CFAP61: variants seen among roughly 807,000 people sequenced by gnomAD.
CFAP61 encodes cilia- and flagella-associated protein 61.
A neutral mutation model predicts 135.6 loss-of-function variants in CFAP61; 107 were observed. The ratio of observed to expected loss-of-function variants is 0.79; its 90% confidence interval spans 0.67 to 0.93. The LOEUF is 0.93. Ranked by LOEUF, CFAP61 falls within the 40% of genes least tolerant of loss-of-function variation. The pLI is 0.00. For synonymous variants in CFAP61, 575 were observed against 578.5 expected, an observed-to-expected ratio of 0.99 and a Z score of 0.09; for missense variants, 1,507 against 1,556.2, an observed-to-expected ratio of 0.97 and a Z score of 0.53.
intron 25 of CFAP61, among the ~76,000 whole-genome samples, chr20:20,321,095 TTAAAA>T (rs1465604278): frequency 1.3e-5 from 2 of 152,148 alleles, no homozygotes; most frequent in African/African-American, 2.4e-5. Context: ...TATTGCATTG[TTAAAA>T]TAATGTAATC....
At chr20:20,156,907 G>A (rs992604118) in intron 9 of CFAP61, among the ~76,000 whole-genome samples, 1 of 152,158 alleles carries the variant, frequency 6.6e-6, no homozygotes, top group African/African-American at 2.4e-5. Context: ...CTTTAAATCA[G>A]TTCTTTGCAA....
At chr20:20,085,234 A>G (rs1445687051) in intron 6 of CFAP61, 5 of 985,400 alleles carry the variant, frequency 5.1e-6, no homozygotes, top group Non-Finnish European at 4.8e-6. Context: ...GGCAGCGCTC[A>G]TTGCCTCAGA....
chr20:20,159,916 G>A (rs2053254398), intron 10 of CFAP61, among the ~76,000 whole-genome samples: 1 of 152,236 alleles, frequency 6.6e-6, no homozygotes, highest in African/African-American at 2.4e-5. Flanking sequence ...AAGGGGCATA[G>A]CATCTTCCAC....
chr20:20,321,817 A>G (rs952615999), intron 25 of CFAP61, among the ~76,000 whole-genome samples: 2 of 152,084 alleles, frequency 1.3e-5, no homozygotes, highest in Non-Finnish European at 2.9e-5. Flanking sequence ...TCCCAGAAAG[A>G]GTGTAAGGTG....
intron 17 of CFAP61, among the ~76,000 whole-genome samples, chr20:20,211,081 C>T (rs561924884): frequency 6.6e-6 from 1 of 152,228 alleles, no homozygotes; most frequent in East Asian, 1.9e-4. Context: ...GATTAAAAGC[C>T]TTCCACAGTT....
intron 6 of CFAP61, among the ~76,000 whole-genome samples, chr20:20,082,733 T>TA (rs1358709670): frequency 1.3e-5 from 2 of 152,320 alleles, no homozygotes; most frequent in African/African-American, 4.8e-5. Flanking sequence ...TGTTGCTTTT[T>TA]AAAATAGATG....
intron 24 of CFAP61, among the ~76,000 whole-genome samples, chr20:20,296,349 T>TTCCTTCCTTCCCTTCCTTCCTTGCTTCCC (rs2055575279): frequency 8.3e-6 from 1 of 120,168 alleles, no homozygotes; most frequent in Non-Finnish European, 1.7e-5. Context: ...CCTTGCTTCC[T>TTCCTTCCTTCCCTTCCTTCCTTGCTTCCC]TCCTTCTTTC....
intron 21 of CFAP61, 55 bp downstream of exon 21, chr20:20,263,185 G>A: frequency 7.4e-7 from 1 of 1,343,690 alleles, no homozygotes; most frequent in Non-Finnish European, 1.0e-6. Context: ...TTTTTATAAT[G>A]AGTCTCATTC....
chr20:20,174,196 C>A (rs2054431957), intron 13 of CFAP61, among the ~76,000 whole-genome samples: 1 of 152,182 alleles, frequency 6.6e-6, no homozygotes. Context: ...TTTAACAAGT[C>A]ATGTGTTGTC....
In CFAP61 at chr20:20,205,061, TTAATA is replaced by T. The variant is rs562726331; in HGVS notation, c.1932+5166_1932+5170del. Among the ~76,000 whole-genome samples the T allele has an allele frequency of 8.6e-3, 1,315 of 152,136 alleles. 20 individuals are homozygous for T. The highest frequency in any genetic ancestry group is 0.03 in the African/African-American group (1,261 of 41,506). ...TCCAATTCTCTGAACATTGTCTAGT[TTAATA>T]TAATATGTTATATATTATATAAGTG... On this transcript the variant is annotated intron_variant, in intron 17 of 26. Transcript: ENST00000245957.
chr20:20,282,097 A>G (rs1255780423), intron 22 of CFAP61, among the ~76,000 whole-genome samples: 1 of 152,156 alleles, frequency 6.6e-6, no homozygotes, highest in Non-Finnish European at 1.5e-5. Context: ...GATCTGTAGT[A>G]ATAACCCCTC....
In CFAP61 at chr20:20,252,907, C is replaced by T. The variant is rs189347077; in HGVS notation, c.2328+1144C>T. Among the ~76,000 whole-genome samples the T allele has an allele frequency of 2.0e-5, 3 of 152,342 alleles. No homozygotes were observed. In the East Asian group the frequency reaches 5.8e-4, roughly 29 times the overall value. On this transcript the variant is annotated intron_variant, in intron 20 of 26. Coordinates refer to ENST00000245957, the MANE Select transcript of CFAP61 (RefSeq NM_015585.4). ...ACACATCCATGCCTAGGCTCCGCCC[C>T]CAGAGGTTGTTTTAATTATTCTAGG... is the stretch of plus-strand genomic sequence containing the variant.
At chr20:20,265,875 T>G (rs2052694979) in intron 21 of CFAP61, 2 of 191,836 alleles carry the variant, frequency 1.0e-5, no homozygotes, top group Non-Finnish European at 2.1e-5. Context: ...CAGGTCATAC[T>G]CAGACATAAC....
intron 13 of CFAP61, among the ~76,000 whole-genome samples, chr20:20,173,422 C>T (rs2054374870): frequency 6.6e-6 from 1 of 152,222 alleles, no homozygotes; most frequent in African/African-American, 2.4e-5. Context: ...CCCGCTGCTA[C>T]ACACCCTTGC....
intron 8 of CFAP61, among the ~76,000 whole-genome samples, chr20:20,117,061 A>G (rs938746950): frequency 6.6e-6 from 1 of 152,224 alleles, no homozygotes; most frequent in East Asian, 1.9e-4. Context: ...TTCGTCAAAA[A>G]TAAATTGGCT....
intron 22 of CFAP61, among the ~76,000 whole-genome samples, chr20:20,285,655 C>T (rs541722764): frequency 1.1e-4 from 17 of 152,248 alleles, no homozygotes; most frequent in African/African-American, 2.4e-4. Flanking sequence ...CAGTGGCTCA[C>T]GCCTATAAAC....
chr20:20,233,707 T>C (rs774446016), intron 18 of CFAP61, among the ~76,000 whole-genome samples: 4 of 152,224 alleles, frequency 2.6e-5, no homozygotes, highest in Non-Finnish European at 5.9e-5. Context: ...GGTTTCCTAT[T>C]CGACTCCAAT....
At chr20:20,346,196 C>T (rs1021514026) in intron 26 of CFAP61, among the ~76,000 whole-genome samples, 10 of 147,266 alleles carry the variant, frequency 6.8e-5, no homozygotes, top group Non-Finnish European at 1.2e-4. Flanking sequence ...CCACCGCGCC[C>T]GGCCGATTGT....
chr20:20,081,661 C>CT (rs749509570), intron 6 of CFAP61, among the ~76,000 whole-genome samples: 25 of 152,166 alleles, frequency 1.6e-4, no homozygotes, highest in Non-Finnish European at 2.9e-4. Context: ...ACACCCCTTC[C>CT]TTCTTTTCTT....
Sources: allele counts gnomAD v4.1 joint callset (sites outside exome capture counted in the v4.1 genomes callset), GRCh38; gene constraint gnomAD v4.1.1; transcripts MANE v1.5; gene names NCBI Gene and HGNC (gene_info 2026-07-23, HGNC 2026-07-21).